Variants in CFAP97 observed in about 807,000 individuals in gnomAD.
CFAP97 encodes cilia- and flagella-associated protein 97.
In CFAP97, 36 loss-of-function variants were observed where a neutral mutation model predicts 43.1. That is an observed-to-expected ratio of 0.84 (90% confidence interval 0.64 to 1.10). The LOEUF (loss-of-function observed/expected upper bound fraction) is 1.10, where lower values mean the gene tolerates loss of function less well. CFAP97 is among the 50% of genes least tolerant of loss of function. CFAP97 has a pLI of 0.00. For missense variants in CFAP97, 657 were observed against 620.3 expected, an observed-to-expected ratio of 1.06 and a Z score of -0.63; for synonymous variants, 228 against 225.7, an observed-to-expected ratio of 1.01 and a Z score of -0.09.
At chr4:185,180,273 C>T (rs1472866599) in intron 2 of CFAP97, among the ~76,000 whole-genome samples, 3 of 152,034 alleles carry the variant, frequency 2.0e-5, no homozygotes, top group Non-Finnish European at 4.4e-5. Context: ...GCAAAATACA[C>T]GGAACACAAA....
intron 1 of CFAP97, among the ~76,000 whole-genome samples, chr4:185,192,608 C>G (rs777757926): frequency 2.6e-5 from 3 of 115,324 alleles, no homozygotes; most frequent in Non-Finnish European, 4.0e-5. Context: ...AAGTCATAGT[C>G]TTTAAAAAAT....
intron 2 of CFAP97, among the ~76,000 whole-genome samples, chr4:185,185,637 T>C (rs1056454318): frequency 1.8e-4 from 26 of 146,720 alleles, no homozygotes; most frequent in African/African-American, 6.3e-4. Flanking sequence ...GCCAACCTTT[T>C]TTTTTTTTTT....
At position 185,181,280 on chromosome 4, in the gene CFAP97, A is replaced by T. The variant is rs182304610; in HGVS notation, c.1055-5229T>A. 1.5e-3 allele frequency among the ~76,000 whole-genome samples: 228 copies of T among 151,306 alleles called. 3 individuals are homozygous for T. The highest frequency in any genetic ancestry group is 0.015 in the East Asian group (76 of 5,152). On this transcript the variant is annotated intron_variant, in intron 2 of 4. Coordinates refer to ENST00000458385, the MANE Select transcript of CFAP97 (RefSeq NM_020827.3). ...GTCTCAAAAAAAATAAAAATAAAAAAAAATTAATTAAATAAAAAGCAAATC... is the reference window on the plus strand; with the variant it reads ...GTCTCAAAAAAAATAAAAATAAAAATAAATTAATTAAATAAAAAGCAAATC...
At chr4:185,199,441 G>C (rs3108269) in intron 1 of CFAP97, among the ~76,000 whole-genome samples, 68,853 of 151,776 alleles carry the variant, frequency 0.45, 16,248 homozygotes, top group East Asian at 0.57. Context: ...GGCCAAGGCA[G>C]GTGGATCACC....
intron 3 of CFAP97, among the ~76,000 whole-genome samples, chr4:185,164,675 A>C (rs1735001878): frequency 6.6e-6 from 1 of 152,230 alleles, no homozygotes; most frequent in Admixed American, 6.5e-5. Flanking sequence ...AAAAGCCTAA[A>C]ACAGAACAAC....
intron 3 of CFAP97, among the ~76,000 whole-genome samples, chr4:185,175,041 T>G (rs1735459972): frequency 6.6e-6 from 1 of 152,222 alleles, no homozygotes. Context: ...CTATTCGAGA[T>G]ATACTGATCC....
intron 1 of CFAP97, among the ~76,000 whole-genome samples, chr4:185,197,751 C>A (rs1736622664): frequency 6.6e-6 from 1 of 152,088 alleles, no homozygotes; most frequent in African/African-American, 2.4e-5. Flanking sequence ...CACTTAACAT[C>A]CAAATTATTC....
At chr4:185,202,241 T>C (rs1187754164) in intron 1 of CFAP97, among the ~76,000 whole-genome samples, 1 of 152,164 alleles carries the variant, frequency 6.6e-6, no homozygotes, top group African/African-American at 2.4e-5. Context: ...TCGCCTTGTA[T>C]GTGTGTGGCT....
At chr4:185,189,515 T>G (rs1425902137) in intron 2 of CFAP97, among the ~76,000 whole-genome samples, 1 of 152,212 alleles carries the variant, frequency 6.6e-6, no homozygotes, top group Non-Finnish European at 1.5e-5. Context: ...TTATTTGAAC[T>G]GGAAAATTGT....
At chr4:185,184,889 G>A (rs1053093413) in intron 2 of CFAP97, among the ~76,000 whole-genome samples, 11 of 152,062 alleles carry the variant, frequency 7.2e-5, no homozygotes, top group South Asian at 2.1e-4. Context: ...TTGTATGCTC[G>A]TTTTTTAATC....
chr4:185,191,924 AC>A (rs1194717273), intron 1 of CFAP97, among the ~76,000 whole-genome samples: 1 of 152,236 alleles, frequency 6.6e-6, no homozygotes, highest in Admixed American at 6.5e-5. Context: ...TTAAAAAAAA[AC>A]TCATAGTCAC....
chr4:185,206,180 C>T (rs1737178612), upstream of CFAP97, among the ~76,000 whole-genome samples: 1 of 152,186 alleles, frequency 6.6e-6, no homozygotes, highest in Non-Finnish European at 1.5e-5. Flanking sequence ...GAAGTGAAAG[C>T]AGGGTCTCAA....
chr4:185,203,883 T>C lies in CFAP97; in HGVS notation c.-17+15A>G, dbSNP rs951502876. 26 of 151,492 alleles carry C rather than the reference T, an allele frequency of 1.7e-4. No homozygotes were observed. The highest frequency in any genetic ancestry group is 4.4e-5 in the Non-Finnish European group (3 of 67,854). 9.4% of individuals were successfully genotyped at this position (151,492 alleles called of 1,614,324 possible). A position where few individuals can be genotyped will look rare whatever the true frequency, so the allele number is the denominator to read the frequency against. The stretch of plus-strand genomic sequence containing the variant: ...CCGCGAGCAGGGAGCCAGGAGCCGC[T>C]CGCGCGCCCCTCACCTGAGAGCCGC... On this transcript the variant is annotated intron_variant, in intron 1 of 4. Coordinates refer to ENST00000458385, the MANE Select transcript of CFAP97 (RefSeq NM_020827.3).
upstream of CFAP97, among the ~76,000 whole-genome samples, chr4:185,206,385 T>G (rs542574209): frequency 3.3e-5 from 5 of 152,198 alleles, no homozygotes; most frequent in Admixed American, 2.6e-4. Flanking sequence ...GAATGGAAGA[T>G]GTATGCCGGG....
chr4:185,210,184 G>A (rs536183152), upstream of CFAP97: 752 of 984,890 alleles, frequency 7.6e-4, 7 homozygotes, highest in African/African-American at 0.012. The surrounding 1 kb of genome is among the most constrained non-coding windows in gnomAD (Gnocchi z 4.4). Context: ...GAGCCCGCGC[G>A]CCCAGCCGCC....
intron 2 of CFAP97, among the ~76,000 whole-genome samples, chr4:185,181,128 T>C (rs1735762932): frequency 6.6e-6 from 1 of 151,250 alleles, no homozygotes; most frequent in Non-Finnish European, 1.5e-5. Flanking sequence ...ATACAAAAAT[T>C]AGCCAGGCAT....
intron 2 of CFAP97, among the ~76,000 whole-genome samples, chr4:185,189,693 T>C (rs1206677936): frequency 6.6e-6 from 1 of 152,178 alleles, no homozygotes; most frequent in Admixed American, 6.5e-5. Context: ...GTCTGAAGAG[T>C]CCTCTTTAGT....
At chr4:185,184,216 T>C (rs1315914308) in intron 2 of CFAP97, among the ~76,000 whole-genome samples, 1 of 152,190 alleles carries the variant, frequency 6.6e-6, no homozygotes, top group Non-Finnish European at 1.5e-5. Context: ...ATCTGCATTT[T>C]AACAGTATCC....
intron 3 of CFAP97, among the ~76,000 whole-genome samples, chr4:185,173,192 T>C (rs906920350): frequency 6.6e-6 from 1 of 151,714 alleles, no homozygotes; most frequent in Non-Finnish European, 1.5e-5. Context: ...TGAAACCCCA[T>C]CTCTACTAAA....
Sources: allele counts gnomAD v4.1 joint callset (sites outside exome capture counted in the v4.1 genomes callset), GRCh38; gene constraint gnomAD v4.1.1; non-coding constraint Gnocchi (gnomAD v3.1); transcripts MANE v1.5; gene names NCBI Gene and HGNC (gene_info 2026-07-23, HGNC 2026-07-21).